SLC27A6: variants seen among roughly 807,000 people sequenced by gnomAD.
The protein encoded by SLC27A6 is solute carrier family 27 member 6.
A neutral mutation model predicts 63.9 loss-of-function variants in SLC27A6; 74 were observed. The ratio of observed to expected loss-of-function variants is 1.16; its 90% CI spans 0.96 to 1.40. SLC27A6 has a LOEUF of 1.40. Ranked by LOEUF, SLC27A6 falls within the 40% of genes most tolerant of loss-of-function variation. The pLI, the probability that SLC27A6 is intolerant of heterozygous loss-of-function variation, is 0.00. For missense variants in SLC27A6, 794 were observed against 732.9 expected, an observed-to-expected ratio of 1.08 and a Z score of -0.96; for synonymous variants, 287 against 260.8, an observed-to-expected ratio of 1.10 and a Z score of -0.97.
chr5:128,981,817 C>CT (rs1554096467), intron 1 of SLC27A6, among the ~76,000 whole-genome samples: 3,780 of 146,400 alleles, frequency 0.026, 160 homozygotes, highest in African/African-American at 0.089. Context: ...CTTTTCTTTT[C>CT]TTTTTTTTTT....
chr5:129,025,584 T>G (rs1752213239), intron 6 of SLC27A6, among the ~76,000 whole-genome samples: 1 of 152,100 alleles, frequency 6.6e-6, no homozygotes, highest in African/African-American at 2.4e-5. Flanking sequence ...TGATGAGAAT[T>G]AAATGGATTA....
At chr5:129,004,909 T>A (rs571579754) in intron 4 of SLC27A6, among the ~76,000 whole-genome samples, 15 of 152,330 alleles carry the variant, frequency 9.8e-5, no homozygotes, top group African/African-American at 3.4e-4. Context: ...ATGGTTGTCA[T>A]TCTGTTGAGC....
At chr5:129,003,616 C>T (rs936407580) in intron 4 of SLC27A6, among the ~76,000 whole-genome samples, 7 of 152,012 alleles carry the variant, frequency 4.6e-5, no homozygotes, top group African/African-American at 1.7e-4. Context: ...GTGGGAGGAT[C>T]ACTTGAGCTC....
chr5:128,989,182 T>A (rs1201116060), intron 3 of SLC27A6, among the ~76,000 whole-genome samples: 1 of 152,220 alleles, frequency 6.6e-6, no homozygotes, highest in Admixed American at 6.5e-5. Flanking sequence ...CCAGCCTAGA[T>A]TCAAGATTCC....
At chr5:129,016,418 A>AAAAAAAAT (rs1751898891) in intron 5 of SLC27A6, among the ~76,000 whole-genome samples, 1 of 149,832 alleles carries the variant, frequency 6.7e-6, no homozygotes, top group Non-Finnish European at 1.5e-5. Context: ...AAAAAAAAAA[A>AAAAAAAAT]GGAGCACCTT....
At chr5:129,033,016 TA>T (rs1229007253) in intron 9 of SLC27A6, 89 bp from the exon 10 acceptor site, 2 of 692,238 alleles carry the variant, frequency 2.9e-6, no homozygotes, top group East Asian at 3.5e-5. Flanking sequence ...TAAAGTGTCA[TA>T]ATTTAATATT....
chr5:128,976,429 G>A (rs1488423794), intron 1 of SLC27A6, among the ~76,000 whole-genome samples: 6 of 152,142 alleles, frequency 3.9e-5, no homozygotes, highest in Non-Finnish European at 5.9e-5. Context: ...CAGGAGAATC[G>A]CTTGAACCTG....
At chr5:128,989,936 A>G (rs1561617706) in intron 3 of SLC27A6, among the ~76,000 whole-genome samples, 8 of 152,008 alleles carry the variant, frequency 5.3e-5, no homozygotes. Context: ...AAAAAAAAAA[A>G]AAAAGATATG....
chr5:128,985,272 C>T lies in SLC27A6; in HGVS notation c.621C>T (p.Arg207=), dbSNP rs1750749240. The T allele has an allele frequency of 6.2e-7, 1 of 1,614,116 alleles. No individual in the cohort carries two copies. Among genetic ancestry groups the T allele is most frequent in the African/African-American group, 1.3e-5 (1 of 75,030 alleles). Residue 207 remains arginine, a synonymous_variant, in exon 2 of 10, where the codon CGC becomes CGT. Transcript: ENST00000262462. The part of the protein sequence containing the change: ...LSTSPDEPVP[R]SHHVVSLLKS... ...CCTCACCTGATGAGCCCGTGCCACG[C>T]AGCCACCATGTTGTCTCACTCCTCA...
intron 5 of SLC27A6, among the ~76,000 whole-genome samples, chr5:129,022,791 C>T (rs1752118491): frequency 6.6e-6 from 1 of 152,090 alleles, no homozygotes; most frequent in African/African-American, 2.4e-5. Context: ...CATCACTGCA[C>T]TGTAGCCTGG....
intron 1 of SLC27A6, among the ~76,000 whole-genome samples, chr5:128,975,678 A>C (rs922538853): frequency 6.6e-6 from 1 of 152,216 alleles, no homozygotes; most frequent in African/African-American, 2.4e-5. Context: ...ATGTGTTAGC[A>C]GTAAGTTAAT....
At chr5:129,007,366 C>T (rs1041276596) in intron 4 of SLC27A6, among the ~76,000 whole-genome samples, 2 of 148,158 alleles carry the variant, frequency 1.3e-5, no homozygotes, top group Non-Finnish European at 3.0e-5. Context: ...TTGCTTAAAC[C>T]CGGGAGGCGG....
intron 8 of SLC27A6, among the ~76,000 whole-genome samples, chr5:129,028,891 A>G (rs372704860): frequency 1.3e-5 from 2 of 152,050 alleles, no homozygotes; most frequent in Non-Finnish European, 2.9e-5. Context: ...AGTTATGCAT[A>G]TGAGGATTGT....
At chr5:128,970,464 A>G (rs1425778840) in intron 1 of SLC27A6, among the ~76,000 whole-genome samples, 1 of 152,008 alleles carries the variant, frequency 6.6e-6, no homozygotes, top group Non-Finnish European at 1.5e-5. Flanking sequence ...CAGAGATTCA[A>G]CTTCTTCCTG....
intron 1 of SLC27A6, among the ~76,000 whole-genome samples, chr5:128,977,238 C>G (rs1353864708): frequency 6.6e-6 from 1 of 152,176 alleles, no homozygotes; most frequent in Admixed American, 6.5e-5. Context: ...TGTGCTAAGT[C>G]CTGAAAATTT....
chr5:128,972,760 C>T (rs1226482334), intron 1 of SLC27A6, among the ~76,000 whole-genome samples: 2 of 152,176 alleles, frequency 1.3e-5, no homozygotes, highest in Non-Finnish European at 2.9e-5. Context: ...CTTCTGAAGC[C>T]TGCTTCTGTC....
At chr5:128,999,202 A>C (rs1751253578) in intron 4 of SLC27A6, among the ~76,000 whole-genome samples, 1 of 152,138 alleles carries the variant, frequency 6.6e-6, no homozygotes, top group African/African-American at 2.4e-5. Flanking sequence ...GCTCTCTGGA[A>C]GAAGCTTCAC....
At chr5:129,005,397 C>T (rs1274193890) in intron 4 of SLC27A6, among the ~76,000 whole-genome samples, 1 of 152,046 alleles carries the variant, frequency 6.6e-6, no homozygotes, top group Non-Finnish European at 1.5e-5. Context: ...GTTAACCAGA[C>T]GATGCTTAAC....
intron 4 of SLC27A6, among the ~76,000 whole-genome samples, chr5:129,003,481 C>G (rs892308977): frequency 3.3e-5 from 5 of 152,140 alleles, no homozygotes; most frequent in Admixed American, 6.5e-5. Context: ...TCTGCTTGAT[C>G]AATTCAAGCC....
Sources: allele counts gnomAD v4.1 joint callset (sites outside exome capture counted in the v4.1 genomes callset), GRCh38; gene constraint gnomAD v4.1.1; transcripts MANE v1.5; gene names NCBI Gene and HGNC (gene_info 2026-07-23, HGNC 2026-07-21).